OTOF: variants seen among roughly 807,000 people sequenced by gnomAD.
The protein encoded by OTOF is otoferlin.
Under a neutral mutation model 236.8 loss-of-function variants are expected in OTOF, and 218 were observed. The ratio of observed to expected loss-of-function variants is 0.92; its 90% CI spans 0.82 to 1.03. The LOEUF (loss-of-function observed/expected upper bound fraction) is 1.03. OTOF is among the 50% of genes least tolerant of loss of function. The probability of loss-of-function intolerance (pLI) is 0.00; values close to 1 mark genes in which losing one functional copy is unlikely to be tolerated. For synonymous variants in OTOF, 1,041 were observed against 1,072.5 expected, an observed-to-expected ratio of 0.97 and a Z score of 0.57; for missense variants, 2,590 against 2,694.4, an observed-to-expected ratio of 0.96 and a Z score of 0.86.
Position 26,470,205 on chromosome 2 carries a change from C to T in OTOF, c.4023+388G>A, listed in dbSNP as rs1207688698. Among the ~76,000 whole-genome samples the T allele has an allele frequency of 3.9e-5, 6 of 152,170 alleles. No individual in the cohort carries two copies. The highest frequency in any genetic ancestry group is 1.5e-5 in the Non-Finnish European group (1 of 68,048). On this transcript the variant is annotated intron_variant, in intron 32 of 46. Coordinates refer to ENST00000272371, the MANE Select transcript of OTOF (RefSeq NM_194248.3). This position sits in a 1 kb window ranked among gnomAD's most constrained non-coding sequence, Gnocchi z 4.3. ...GACGCCTTCCCTGATTCCCCCAAGC[C>T]ATGATTTGCCTTTGTTATCACATAG...
chr2:26,547,219 T>A (rs935768163), intron 1 of OTOF, among the ~76,000 whole-genome samples: 2 of 152,244 alleles, frequency 1.3e-5, no homozygotes, highest in African/African-American at 2.4e-5. Flanking sequence ...ATTTTCTGCA[T>A]CTATTGATAT....
In OTOF at chr2:26,554,138, A is replaced by C. The variant is rs963980995; in HGVS notation, c.79+4355T>G. Among the ~76,000 whole-genome samples the C allele has an allele frequency of 3.8e-5, 5 of 131,416 alleles. No individual in the cohort carries two copies. The Admixed American group carries it at 3.9e-4, about 10-fold the overall frequency. The allele number at this position is 131,416 out of a possible 152,430, so 86.2% of individuals were successfully genotyped here. ...GTGAGCCGAGATCGCACTGCACTGCACTCCAGCCTGGCGACAGAGCGAGAC... is the reference window on the plus strand; with the variant it reads ...GTGAGCCGAGATCGCACTGCACTGCCCTCCAGCCTGGCGACAGAGCGAGAC... On this transcript the variant is annotated intron_variant, in intron 1 of 46. Transcript: ENST00000272371.
chr2:26,474,232 T>C, intron 26 of OTOF, 122 bp from the exon 27 acceptor site: 1 of 1,360,928 alleles, frequency 7.3e-7, no homozygotes, highest in Non-Finnish European at 1.0e-6. Flanking sequence ...GCCCCCAGCT[T>C]TGGTCAGGAT....
At chr2:26,484,191 T>C (rs1665643540) in intron 12 of OTOF, among the ~76,000 whole-genome samples, 1 of 152,230 alleles carries the variant, frequency 6.6e-6, no homozygotes, top group South Asian at 2.1e-4. Flanking sequence ...TTCCTGCTGC[T>C]ATACTCAGGA....
In OTOF at chr2:26,518,936, GT is replaced by G. The variant is rs1320247723; in HGVS notation, c.327+73del. On this transcript the variant is annotated intron_variant, in intron 4 of 46. Transcript: ENST00000272371. ...AGAGGCATTCCCCAGACCACCCCAT[GT>G]GTGAGGCAGGGAGAACAGACCCCCA... The G allele has an allele frequency of 6.7e-6, 7 of 1,045,276 alleles. No individual in the cohort carries two copies. In the African/African-American group the frequency reaches 1.1e-4, roughly 16 times the overall value. The allele number at this position is 1,045,276 out of a possible 1,614,324, so 64.8% of individuals were successfully genotyped here. A position where few individuals can be genotyped will look rare whatever the true frequency, so the allele number is the denominator to read the frequency against.
chr2:26,525,423 G>A (rs80052873), intron 3 of OTOF, among the ~76,000 whole-genome samples: 2,002 of 152,300 alleles, frequency 0.013, 43 homozygotes, highest in African/African-American at 0.046. Flanking sequence ...CACATTGGCT[G>A]GAAAATACTG....
At chr2:26,535,006 C>G (rs1211032913) in intron 2 of OTOF, among the ~76,000 whole-genome samples, 4 of 152,260 alleles carry the variant, frequency 2.6e-5, no homozygotes, top group Non-Finnish European at 5.9e-5. Flanking sequence ...CAGGGTATGG[C>G]TCCAGGCTAC....
chr2:26,479,389 G>A lies in OTOF; in HGVS notation c.2094-5C>T, dbSNP rs1447328064. On this transcript the variant is annotated splice_polypyrimidine_tract_variant and splice_region_variant and intron_variant, in intron 17 of 46. Transcript: ENST00000272371. Reference sequence around the variant, plus strand: ...TAGGGCAGATGGAAGTAGTTCCTGGGGTGGGCAGAGGCGGGAGGTGAGGTC... The same window carrying A: ...TAGGGCAGATGGAAGTAGTTCCTGGAGTGGGCAGAGGCGGGAGGTGAGGTC... 1.2e-6 allele frequency: 2 copies of A among 1,612,442 alleles called. No homozygotes were observed. Among genetic ancestry groups the A allele is most frequent in the East Asian group, 4.5e-5 (2 of 44,858 alleles).
intron 2 of OTOF, among the ~76,000 whole-genome samples, chr2:26,534,986 A>C (rs1311227216): frequency 6.6e-6 from 1 of 152,216 alleles, no homozygotes; most frequent in African/African-American, 2.4e-5. Context: ...CTAGGGAGAA[A>C]GGTTAAAGCC....
At chr2:26,524,148 G>A (rs1666745258) in intron 3 of OTOF, among the ~76,000 whole-genome samples, 1 of 152,258 alleles carries the variant, frequency 6.6e-6, no homozygotes, top group African/African-American at 2.4e-5. Context: ...GGCAGGGAGG[G>A]AAGAAGAGGA....
chr2:26,460,284 G>C lies in OTOF; in HGVS notation c.5814-79C>G. Reference sequence around the variant, plus strand: ...GGGTGTGGCGAGGGGCCAAGACCAAGAGGGAAGCTGTCCTGGGCTGTGTGT... The same window carrying C: ...GGGTGTGGCGAGGGGCCAAGACCAACAGGGAAGCTGTCCTGGGCTGTGTGT... On this transcript the variant is annotated intron_variant, in intron 45 of 46. Transcript: ENST00000272371. This position sits in a 1 kb window ranked among gnomAD's most constrained non-coding sequence, Gnocchi z 5.3. 1 of 1,182,070 alleles carries C rather than the reference G, an allele frequency of 8.5e-7. No homozygotes were observed. Among genetic ancestry groups the C allele is most frequent in the South Asian group, 1.3e-5 (1 of 75,854 alleles). 73.2% of individuals were successfully genotyped at this position (1,182,070 alleles called of 1,614,324 possible).
chr2:26,537,737 C>T lies in OTOF; in HGVS notation c.117G>A (p.Glu39=). 2 of 1,555,410 alleles carry T rather than the reference C, an allele frequency of 1.3e-6. No individual in the cohort carries two copies. The highest frequency in any genetic ancestry group is 1.2e-5 in the South Asian group (1 of 84,286). ...SFYSRVLENC[E]DVADFDETFR... ...CTACCTCATCAAAGTCAGCCACATC[C>T]TCACAGTTCTCCAGGACCCGAGAGT... Residue 39 remains glutamate, a synonymous_variant, in exon 2 of 47, where the codon GAG becomes GAA. Coordinates refer to ENST00000272371, the MANE Select transcript of OTOF (RefSeq NM_194248.3).
chr2:26,508,816 C>A (rs1158338285), intron 5 of OTOF, among the ~76,000 whole-genome samples: 1 of 152,212 alleles, frequency 6.6e-6, no homozygotes, highest in Non-Finnish European at 1.5e-5. Flanking sequence ...AATCTGTCTC[C>A]ACAGTTTTCT....
rs772739093 is a variant in OTOF, at chr2:26,477,137, T to C, written c.2523+35A>G. 6.3e-7 allele frequency: 1 copy of C among 1,596,070 alleles called. No individual in the cohort carries two copies. The highest frequency in any genetic ancestry group is 1.1e-5 in the South Asian group (1 of 89,960). On this transcript the variant is annotated intron_variant, in intron 21 of 46. Coordinates refer to ENST00000272371, the MANE Select transcript of OTOF (RefSeq NM_194248.3). The surrounding 1 kb of genome is among the most constrained non-coding windows in gnomAD (Gnocchi z 4.7). ...CTGAGGGGCCCCAGAGAGCCAGCCCTGGATGAGGCAAAGCCCCGACCCCTT... is the reference window on the plus strand; with the variant it reads ...CTGAGGGGCCCCAGAGAGCCAGCCCCGGATGAGGCAAAGCCCCGACCCCTT...
chr2:26,504,664 A>G (rs1225201998), intron 5 of OTOF, among the ~76,000 whole-genome samples: 5 of 152,096 alleles, frequency 3.3e-5, no homozygotes, highest in African/African-American at 1.2e-4. Context: ...GCTGAGGAAA[A>G]GGGGCAGGGG....
intron 3 of OTOF, among the ~76,000 whole-genome samples, chr2:26,521,861 G>A (rs1011879847): frequency 1.3e-5 from 2 of 152,204 alleles, no homozygotes; most frequent in African/African-American, 4.8e-5. Context: ...ATAGCCCTCC[G>A]ACTTCCACCG....
rs141475833 is a variant in OTOF, at chr2:26,516,445, C to T, written c.482G>A (p.Arg161Gln). The change falls in exon 5 of 47, where the codon CGG (arginine) becomes CAG (glutamine). Residue 161 changes from arginine (R) to glutamine (Q), a missense_variant. Arg to Gln is a conservative substitution (Grantham distance 43, BLOSUM62 1). Around this residue, in one of 2 missense-constraint regions of OTOF, gnomAD observed 1,379 missense variants for 1,341.6 expected, o/e 1.03. Coordinates refer to ENST00000272371, the MANE Select transcript of OTOF (RefSeq NM_194248.3). ...CCGGAAGCTCTTCTCTCCTGGGGGC[C>T]GGGAGCTGGGCCGGGAGCCTGGGAG... is the stretch of plus-strand genomic sequence containing the variant. ...GLLPGSRPSS[R>Q]PPGEKSFRRA... 51 of 1,613,908 alleles carry T rather than the reference C, an allele frequency of 3.2e-5. No individual in the cohort carries two copies. Among genetic ancestry groups the T allele is most frequent in the African/African-American group, 9.3e-5 (7 of 75,020 alleles).
At chr2:26,545,481 T>A (rs533052030) in intron 1 of OTOF, among the ~76,000 whole-genome samples, 59 of 152,334 alleles carry the variant, frequency 3.9e-4, no homozygotes, top group African/African-American at 1.3e-3. Context: ...AAATGTGATT[T>A]TTTTATGAAT....
At chr2:26,538,274 C>G (rs1171063955) in intron 1 of OTOF, among the ~76,000 whole-genome samples, 1 of 152,216 alleles carries the variant, frequency 6.6e-6, no homozygotes, top group Non-Finnish European at 1.5e-5. Flanking sequence ...ACCAGGCCCC[C>G]AACAACAAGT....
Sources: gnomAD v4.1 joint callset for allele counts (sites outside exome capture counted in the v4.1 genomes callset) on GRCh38, gnomAD v4.1.1 for gene constraint, gnomAD v4.1.1 regional missense constraint, Gnocchi (gnomAD v3.1) non-coding constraint, MANE v1.5 for transcripts, NCBI Gene and HGNC (gene_info 2026-07-23, HGNC 2026-07-21) for gene names.